The following KLHL4 variants were observed in gnomAD, a reference collection of about 807,000 sequenced individuals.
KLHL4 encodes kelch like family member 4, also known as kelch-like protein 4.
KLHL4 carries 17 observed loss-of-function variants against 45.8 expected under a neutral mutation model. That is an observed-to-expected ratio of 0.37 (90% CI 0.25 to 0.56). The LOEUF (loss-of-function observed/expected upper bound fraction) is 0.56. KLHL4 is among the 20% of genes least tolerant of loss of function. KLHL4 has a pLI of 0.79. For synonymous variants in KLHL4, 224 were observed against 189.9 expected (o/e 1.18, Z -1.47); for missense variants, 544 against 544.9 (o/e 1.00, Z 0.02).
intron 1 of KLHL4, among the ~76,000 whole-genome samples, chrX:87,523,498 A>C (rs987815271): frequency 1.8e-5 from 2 of 111,813 alleles, no homozygotes; most frequent in Non-Finnish European, 3.8e-5. Flanking sequence ...CTAGAAAATA[A>C]GTATTCAAAA....
In KLHL4 at chrX:87,669,429, A is replaced by C; in HGVS notation, c.*2895A>C. 8.3e-7 allele frequency: 1 copy of C among 1,205,607 alleles called. No homozygotes were observed. The highest frequency in any genetic ancestry group is 1.1e-6 in the Non-Finnish European group (1 of 892,233). On this transcript the variant is annotated 3_prime_UTR_variant, in exon 11 of 11. Transcript: ENST00000373119. ...CTTTCTCCACACAGCAATGACATTT[A>C]TCAATCTGACTCAGGTGTGGCTGTT...
chrX:87,569,959 T>C (rs1932300273), intron 1 of KLHL4, among the ~76,000 whole-genome samples: 1 of 111,451 alleles, frequency 9.0e-6, no homozygotes, highest in African/African-American at 3.2e-5. Context: ...CATTTTATAA[T>C]GGTTAAAGTG....
intron 1 of KLHL4, among the ~76,000 whole-genome samples, chrX:87,579,160 C>T (rs1255786047): frequency 9.1e-6 from 1 of 110,140 alleles, no homozygotes; most frequent in Non-Finnish European, 1.9e-5. Flanking sequence ...GAGCATGTCT[C>T]CAGCCTATGG....
At chrX:87,605,922 A>T (rs932517036) in intron 1 of KLHL4, among the ~76,000 whole-genome samples, 4 of 111,047 alleles carry the variant, frequency 3.6e-5, no homozygotes, top group Admixed American at 2.9e-4. Context: ...ATTTGTTGAG[A>T]GTTTTTTTTT....
chrX:87,553,060 A>G (rs887617395), intron 1 of KLHL4, among the ~76,000 whole-genome samples: 161 of 110,824 alleles, frequency 1.5e-3, no homozygotes, highest in Non-Finnish European at 9.1e-4. Flanking sequence ...AAAACTTCTC[A>G]TGTACACACT....
chrX:87,584,374 A>C (rs754840983), intron 1 of KLHL4, among the ~76,000 whole-genome samples: 3 of 112,358 alleles, frequency 2.7e-5, no homozygotes, highest in Non-Finnish European at 5.6e-5. Flanking sequence ...ATAAGGTACC[A>C]GGGACCAATT....
chrX:87,630,101 T>C (rs1923049511), intron 6 of KLHL4, among the ~76,000 whole-genome samples: 1 of 111,647 alleles, frequency 9.0e-6, no homozygotes, highest in African/African-American at 3.2e-5. Flanking sequence ...CCAGAAAATA[T>C]TTAAACTTAG....
At chrX:87,580,452 A>G (rs145612005) in intron 1 of KLHL4, among the ~76,000 whole-genome samples, 13 of 111,096 alleles carry the variant, frequency 1.2e-4, no homozygotes, top group African/African-American at 4.2e-4. Flanking sequence ...GCAAGATCCA[A>G]CTTTATGCTG....
In KLHL4 at chrX:87,616,985, T is replaced by A. The variant is rs530922316; in HGVS notation, c.728-947T>A. ...TAAGGTATTTTAGAAGGGAAAACTT[T>A]AGGGGAATAGTTTGTAATTGATATC... On this transcript the variant is annotated intron_variant, in intron 3 of 10. Transcript: ENST00000373119. Among the ~76,000 whole-genome samples, 4 of 111,823 alleles carry A rather than the reference T, an allele frequency of 3.6e-5. No homozygotes were observed. In the South Asian group the frequency reaches 1.5e-3, roughly 42 times the overall value.
intron 1 of KLHL4, among the ~76,000 whole-genome samples, chrX:87,559,815 A>G (rs191877884): frequency 5.1e-4 from 57 of 111,590 alleles, no homozygotes; most frequent in Admixed American, 8.6e-4. Context: ...ATGGAACATA[A>G]TAAGTGCTAC....
At chrX:87,661,956 G>A (rs1441583362) in intron 9 of KLHL4, among the ~76,000 whole-genome samples, 4 of 111,342 alleles carry the variant, frequency 3.6e-5, no homozygotes, top group Admixed American at 9.5e-5. Context: ...AGTATCAACC[G>A]CGTAGGGTAC....
intron 1 of KLHL4, among the ~76,000 whole-genome samples, chrX:87,525,457 C>A (rs1254426453): frequency 9.0e-6 from 1 of 111,232 alleles, no homozygotes; most frequent in African/African-American, 3.3e-5. Flanking sequence ...TTAAGTATAT[C>A]TTACTTACAG....
chrX:87,528,825 G>A (rs1271577592), intron 1 of KLHL4, among the ~76,000 whole-genome samples: 1 of 105,722 alleles, frequency 9.5e-6, no homozygotes, highest in Non-Finnish European at 1.9e-5. Flanking sequence ...ATCTTATCAC[G>A]ATCATCCAGA....
intron 5 of KLHL4, among the ~76,000 whole-genome samples, chrX:87,623,288 C>CTTTTTTTTTTTTT (rs67869297): frequency 6.0e-5 from 3 of 50,205 alleles, no homozygotes; most frequent in South Asian, 1.6e-3. Flanking sequence ...TTCCTTTTTT[C>CTTTTTTTTTTTTT]TTTTTTTTTT....
At chrX:87,649,537 T>G (rs899606805) in intron 9 of KLHL4, among the ~76,000 whole-genome samples, 8 of 111,867 alleles carry the variant, frequency 7.2e-5, no homozygotes, top group African/African-American at 2.6e-4. Flanking sequence ...AAGTTCAATT[T>G]ATATATTTTT....
chrX:87,523,781 A>T (rs1418255654), intron 1 of KLHL4, among the ~76,000 whole-genome samples: 1 of 110,114 alleles, frequency 9.1e-6, no homozygotes, highest in East Asian at 2.9e-4. Context: ...TAGCCAACAT[A>T]GTGAAACCCC....
At chrX:87,551,509 C>T (rs1299682113) in intron 1 of KLHL4, among the ~76,000 whole-genome samples, 2 of 110,752 alleles carry the variant, frequency 1.8e-5, no homozygotes, top group African/African-American at 3.3e-5. Context: ...TTCGAAAGTT[C>T]ATAGGGAACC....
At chrX:87,658,577 C>T (rs141009235) in intron 9 of KLHL4, among the ~76,000 whole-genome samples, 1,920 of 111,227 alleles carry the variant, frequency 0.017, 21 homozygotes, top group Non-Finnish European at 0.024. Flanking sequence ...ATTGTGGAGA[C>T]ACTTTCTCCC....
chrX:87,550,157 G>T (rs762497450), intron 1 of KLHL4, among the ~76,000 whole-genome samples: 2 of 111,034 alleles, frequency 1.8e-5, no homozygotes, highest in African/African-American at 6.5e-5. Context: ...AAATAAAGAA[G>T]AAATGGTCAA....
Sources: gnomAD v4.1 joint callset for allele counts (sites outside exome capture counted in the v4.1 genomes callset) on GRCh38, gnomAD v4.1.1 for gene constraint, MANE v1.5 for transcripts, NCBI Gene and HGNC (gene_info 2026-07-23, HGNC 2026-07-21) for gene names.